The following WWC2 variants were observed in gnomAD, a reference collection of about 807,000 sequenced individuals.
The protein encoded by WWC2 is protein WWC2.
A neutral mutation model predicts 138.5 loss-of-function variants in WWC2; 101 were observed. That is an observed-to-expected ratio of 0.73 (90% CI 0.62 to 0.86). The LOEUF is 0.86. Ranked by LOEUF, WWC2 falls within the 40% of genes least tolerant of loss-of-function variation. The pLI is 0.00. For missense variants in WWC2, 1,420 were observed against 1,419.4 expected (o/e 1.00, Z -0.01); for synonymous variants, 558 against 538.4 (o/e 1.04, Z -0.50).
chr4:183,127,625 A>G (rs1044801429), intron 1 of WWC2, among the ~76,000 whole-genome samples: 10 of 152,170 alleles, frequency 6.6e-5, no homozygotes, highest in African/African-American at 2.2e-4. Flanking sequence ...TTGCTAAATG[A>G]GTAGATTGTA....
Position 183,320,278 on chromosome 4 carries a change from A to G in WWC2, c.*4549A>G. ...CTGCCCTTCGGTTGCTGTGAAAAGA[A>G]GTGTGACACTTGTGTTATAACTTAT... On this transcript the variant is annotated 3_prime_UTR_variant, in exon 23 of 23. Coordinates refer to ENST00000403733, the MANE Select transcript of WWC2 (RefSeq NM_024949.6). 7.0e-7 allele frequency: 1 copy of G among 1,428,588 alleles called. No individual in the cohort carries two copies. The allele number at this position is 1,428,588 out of a possible 1,614,324, so 88.5% of individuals were successfully genotyped here.
chr4:183,315,574 G>A, intron 22 of WWC2, 89 bp from the exon 23 acceptor site: 1 of 942,252 alleles, frequency 1.1e-6, no homozygotes, highest in Non-Finnish European at 1.6e-6. Context: ...AGACATCACT[G>A]CCACTGCAGG....
chr4:183,100,345 C>G (rs1413169482), intron 1 of WWC2, among the ~76,000 whole-genome samples: 1 of 152,208 alleles, frequency 6.6e-6, no homozygotes, highest in African/African-American at 2.4e-5. Flanking sequence ...TGAGCTTAGC[C>G]TGGTTTCTTT....
At chr4:183,229,416 G>T (rs1005109878) in intron 4 of WWC2, among the ~76,000 whole-genome samples, 3 of 151,960 alleles carry the variant, frequency 2.0e-5, no homozygotes, top group African/African-American at 2.4e-5. Context: ...TGCTAATTTT[G>T]GTACCTCTTT....
At chr4:183,218,925 A>G (rs538874885) in intron 4 of WWC2, among the ~76,000 whole-genome samples, 11 of 152,386 alleles carry the variant, frequency 7.2e-5, no homozygotes, top group East Asian at 3.9e-4. Context: ...AAAATTAACT[A>G]TTACATACCT....
chr4:183,259,024 C>T (rs920502667), intron 9 of WWC2, among the ~76,000 whole-genome samples: 6 of 152,058 alleles, frequency 3.9e-5, no homozygotes, highest in Admixed American at 2.0e-4. Context: ...GATAGTCCGA[C>T]GCGGATGATG....
intron 16 of WWC2, among the ~76,000 whole-genome samples, chr4:183,276,436 A>G (rs1472647828): frequency 6.6e-6 from 1 of 151,650 alleles, no homozygotes; most frequent in African/African-American, 2.4e-5. Flanking sequence ...TTTCCCCTCT[A>G]CTAGATCTGC....
At chr4:183,254,795 G>A (rs1024214933) in intron 9 of WWC2, among the ~76,000 whole-genome samples, 1 of 152,084 alleles carries the variant, frequency 6.6e-6, no homozygotes, top group African/African-American at 2.4e-5. Flanking sequence ...AGGGTGATGG[G>A]AAAGAAATTC....
At chr4:183,181,641 G>A (rs1398446005) in intron 1 of WWC2, among the ~76,000 whole-genome samples, 3 of 151,986 alleles carry the variant, frequency 2.0e-5, no homozygotes, top group Admixed American at 6.6e-5. Context: ...TACAAAATAC[G>A]TTACTTGACT....
intron 1 of WWC2, among the ~76,000 whole-genome samples, chr4:183,102,684 C>G (rs1235833200): frequency 6.6e-6 from 1 of 152,132 alleles, no homozygotes; most frequent in Admixed American, 6.5e-5. Context: ...AGTGACTAGG[C>G]TAATCCTGGG....
rs1006298490 is a variant in WWC2 at position 183,319,067 on chromosome 4, A to G, written c.*3338A>G. 6.5e-6 allele frequency: 1 copy of G among 153,694 alleles called. No individual in the cohort carries two copies. Among genetic ancestry groups the G allele is most frequent in the Non-Finnish European group, 1.4e-5 (1 of 69,074 alleles). 9.5% of individuals were successfully genotyped at this position (153,694 alleles called of 1,614,324 possible). On this transcript the variant is annotated 3_prime_UTR_variant, in exon 23 of 23. Transcript: ENST00000403733. ...GAGACACTGAGGTCTCTGATTCAGAAGGAGATGATGTGTCTACACCTTTCA... is the reference window on the plus strand; with the variant it reads ...GAGACACTGAGGTCTCTGATTCAGAGGGAGATGATGTGTCTACACCTTTCA...
At chr4:183,270,934 C>T in intron 15 of WWC2, 146 bp from the exon 16 acceptor site, 2 of 679,914 alleles carry the variant, frequency 2.9e-6, no homozygotes, top group South Asian at 4.5e-5. Flanking sequence ...AAAAATCCAG[C>T]AATGCTTTAT....
chr4:183,137,791 GC>G (rs1733169398), intron 1 of WWC2, among the ~76,000 whole-genome samples: 1 of 152,180 alleles, frequency 6.6e-6, no homozygotes, highest in African/African-American at 2.4e-5. Context: ...GAGCCACCGT[GC>G]CTGGCCTATA....
chr4:183,289,888 G>T (rs1040278537), intron 21 of WWC2, among the ~76,000 whole-genome samples: 3 of 151,638 alleles, frequency 2.0e-5, no homozygotes, highest in Non-Finnish European at 2.9e-5. Context: ...GGGTGAGGGC[G>T]TGGCCAGTGG....
chr4:183,122,027 C>T (rs181933210), intron 1 of WWC2, among the ~76,000 whole-genome samples: 38 of 152,214 alleles, frequency 2.5e-4, no homozygotes, highest in Admixed American at 2.2e-3. Context: ...CTTCGTGATC[C>T]GCCCGCTTCC....
chr4:183,206,645 C>G (rs1043548391), intron 2 of WWC2, among the ~76,000 whole-genome samples: 6 of 152,172 alleles, frequency 3.9e-5, no homozygotes, highest in Non-Finnish European at 7.3e-5. Flanking sequence ...TACTCTGTCC[C>G]ATTCTCAACC....
In WWC2 at chr4:183,254,014, T is replaced by C. The variant is rs373365514; in HGVS notation, c.1196+15T>C. The C allele has an allele frequency of 9.6e-5, 155 of 1,609,676 alleles. 1 individual carries two copies. In the African/African-American group the frequency reaches 2.0e-3, roughly 21 times the overall value. ...CTGGCCGAGAGGTTTGTTTTCCTTC[T>C]GGAAATAGGGCAGCTTAACTCTTGT... On this transcript the variant is annotated intron_variant, in intron 9 of 22. Coordinates refer to ENST00000403733, the MANE Select transcript of WWC2 (RefSeq NM_024949.6).
At chr4:183,206,226 A>G (rs1226710656) in intron 2 of WWC2, among the ~76,000 whole-genome samples, 1 of 152,024 alleles carries the variant, frequency 6.6e-6, no homozygotes, top group Non-Finnish European at 1.5e-5. Flanking sequence ...CATATATTTT[A>G]TCTTCTAGTT....
chr4:183,196,113 G>A (rs573756595), intron 2 of WWC2, among the ~76,000 whole-genome samples: 26 of 152,148 alleles, frequency 1.7e-4, no homozygotes, highest in African/African-American at 4.8e-4. Flanking sequence ...TTTGCCTTCC[G>A]CCAAGAGTAA....
Sources: gnomAD v4.1 joint callset for allele counts (sites outside exome capture counted in the v4.1 genomes callset) on GRCh38, gnomAD v4.1.1 for gene constraint, MANE v1.5 for transcripts, NCBI Gene and HGNC (gene_info 2026-07-23, HGNC 2026-07-21) for gene names.